SLCO1B1: variants seen among roughly 807,000 people sequenced by gnomAD.
The protein encoded by SLCO1B1 is solute carrier organic anion transporter family member 1B1, also known as OATP-2.
Under a neutral mutation model 70.1 loss-of-function variants are expected in SLCO1B1, and 81 were observed. The observed-to-expected ratio is 1.16, with a 90% CI of 0.97 to 1.39. The LOEUF (loss-of-function observed/expected upper bound fraction) is 1.39. Ranked by LOEUF, SLCO1B1 falls within the 40% of genes most tolerant of loss-of-function variation. The pLI, the probability that SLCO1B1 is intolerant of heterozygous loss-of-function variation, is 0.00. For missense variants in SLCO1B1, 895 were observed against 799.6 expected (o/e 1.12, Z -1.44); for synonymous variants, 283 against 271.5 (o/e 1.04, Z -0.42).
chr12:21,174,529 C>G, intron 3 of SLCO1B1, 48 bp from the exon 4 acceptor site: 1 of 1,595,132 alleles, frequency 6.3e-7, no homozygotes, highest in Non-Finnish European at 8.6e-7. Context: ...CAATTCTAGA[C>G]GCAAAATTGA....
At chr12:21,238,937 A>C (rs1290401255) in intron 14 of SLCO1B1, 42 bp from the exon 15 acceptor site, 1 of 1,258,382 alleles carries the variant, frequency 7.9e-7, no homozygotes, top group African/African-American at 1.5e-5. Flanking sequence ...TATTACACAC[A>C]ATTTAAACTG....
intron 2 of SLCO1B1, among the ~76,000 whole-genome samples, chr12:21,151,239 TCATTGTATATGCTCTCCAA>T (rs1231964668): frequency 2.6e-5 from 4 of 152,188 alleles, no homozygotes; most frequent in Admixed American, 1.3e-4. Flanking sequence ...TATGGGACCA[TCATTGTATATGCTCTCCAA>T]CATTGACTTA....
intron 14 of SLCO1B1, among the ~76,000 whole-genome samples, chr12:21,233,559 A>G (rs11045886): frequency 7.1e-6 from 1 of 139,980 alleles, no homozygotes; most frequent in Non-Finnish European, 1.6e-5. Context: ...CCTCAAAAAA[A>G]AAACAAACAA....
chr12:21,233,730 A>C (rs775843751), intron 14 of SLCO1B1, among the ~76,000 whole-genome samples: 17 of 152,198 alleles, frequency 1.1e-4, no homozygotes, highest in Non-Finnish European at 2.1e-4. Context: ...CATCATTTCC[A>C]GGAACTATTT....
intron 2 of SLCO1B1, among the ~76,000 whole-genome samples, chr12:21,156,187 TA>T (rs1865843070): frequency 6.6e-6 from 1 of 152,144 alleles, no homozygotes; most frequent in African/African-American, 2.4e-5. Flanking sequence ...CTTTGAATGC[TA>T]GAAGCTACCC....
At chr12:21,218,796 A>G (rs1941390870) in intron 12 of SLCO1B1, among the ~76,000 whole-genome samples, 1 of 152,340 alleles carries the variant, frequency 6.6e-6, no homozygotes, top group East Asian at 1.9e-4. Context: ...TGTTTCAGAA[A>G]TTGATTAAAT....
intron 2 of SLCO1B1, among the ~76,000 whole-genome samples, chr12:21,147,942 G>C (rs1940410048): frequency 6.6e-6 from 1 of 152,102 alleles, no homozygotes; most frequent in Non-Finnish European, 1.5e-5. Flanking sequence ...GTTTTGATTT[G>C]CATTCTCTAA....
At position 21,197,038 on chromosome 12, in the gene SLCO1B1, A is replaced by G. The variant is rs762084290; in HGVS notation, c.820A>G (p.Ile274Val). ...VSGLFSIISS[I>V]PFFFLPQTPN... ...TGGACTATTCTCCATTATTTCTTCC[A>G]TACCATTCTTTTTCTTGCCCCAAAC... is the stretch of plus-strand genomic sequence containing the variant. The change falls in exon 8 of 15, where the codon ATA becomes GTA. Residue 274 changes from isoleucine to valine, a missense_variant. Physicochemically the swap from Ile to Val is conservative, Grantham distance 29 (BLOSUM62 3). Coordinates refer to ENST00000256958, the MANE Select transcript of SLCO1B1 (RefSeq NM_006446.5). The G allele has an allele frequency of 6.2e-7, 1 of 1,613,720 alleles. No individual in the cohort carries two copies.
At position 21,172,665 on chromosome 12, in the gene SLCO1B1, C is replaced by G. The variant is rs764431918; in HGVS notation, c.100C>G (p.Leu34Val). Reference protein sequence around the residue: ...CNGLKMFLAALSLSFIAKTLG... With the variant: ...CNGLKMFLAAVSLSFIAKTLG... ...TTTTTCTTAGATGTTCTTGGCAGCT[C>G]TGTCACTCAGCTTTATTGCTAAGAC... Residue 34 changes from leucine to valine, a missense_variant, in exon 3 of 15, where the codon CTG becomes GTG. Coordinates refer to ENST00000256958, the MANE Select transcript of SLCO1B1 (RefSeq NM_006446.5). 1.2e-6 allele frequency: 2 copies of G among 1,613,670 alleles called. No individual in the cohort carries two copies. Among genetic ancestry groups the G allele is most frequent in the African/African-American group, 2.7e-5 (2 of 74,896 alleles).
At chr12:21,207,756 A>G (rs1049667660) in intron 11 of SLCO1B1, among the ~76,000 whole-genome samples, 25 of 151,964 alleles carry the variant, frequency 1.6e-4, no homozygotes, top group African/African-American at 5.6e-4. Flanking sequence ...TTACATTCCT[A>G]CCAACATAGG....
chr12:21,234,461 T>C (rs1941575690), intron 14 of SLCO1B1, among the ~76,000 whole-genome samples: 1 of 152,218 alleles, frequency 6.6e-6, no homozygotes, highest in Non-Finnish European at 1.5e-5. Context: ...AGGTAGTCTG[T>C]TTCCCAGGCA....
At chr12:21,192,224 A>G (rs915872095) in intron 7 of SLCO1B1, among the ~76,000 whole-genome samples, 2 of 148,920 alleles carry the variant, frequency 1.3e-5, no homozygotes, top group East Asian at 3.8e-4. Flanking sequence ...AACACGCACC[A>G]GTAAAGCCAT....
intron 7 of SLCO1B1, among the ~76,000 whole-genome samples, chr12:21,191,251 G>A (rs1265428000): frequency 2.9e-5 from 1 of 34,546 alleles, no homozygotes; most frequent in Non-Finnish European, 1.7e-4. Flanking sequence ...CTATTAATAA[G>A]TCCTTCAATT....
At chr12:21,207,156 AG>A in intron 11 of SLCO1B1, among the ~76,000 whole-genome samples, 1 of 152,040 alleles carries the variant, frequency 6.6e-6, no homozygotes, top group Non-Finnish European at 1.5e-5. Flanking sequence ...CTCTTATTTT[AG>A]GTAAAGGGGA....
intron 1 of SLCO1B1, among the ~76,000 whole-genome samples, chr12:21,139,044 A>G (rs74068911): frequency 0.067 from 10,263 of 152,212 alleles, 1,050 homozygotes; most frequent in African/African-American, 0.23. Flanking sequence ...AAGTTAATCA[A>G]TTGAAATAAA....
intron 11 of SLCO1B1, among the ~76,000 whole-genome samples, chr12:21,207,563 T>C (rs546458217): frequency 2.9e-4 from 44 of 152,176 alleles, no homozygotes; most frequent in Non-Finnish European, 5.4e-4. Flanking sequence ...GTTGAGACCG[T>C]GTCTTTGCTA....
At chr12:21,183,036 G>T (rs1940923945) in intron 7 of SLCO1B1, among the ~76,000 whole-genome samples, 1 of 152,170 alleles carries the variant, frequency 6.6e-6, no homozygotes, top group Non-Finnish European at 1.5e-5. Context: ...GTCCCCTATG[G>T]CCCAGGCACA....
At chr12:21,178,895 A>G (rs1940856728) in intron 6 of SLCO1B1, 27 bp from the exon 7 acceptor site, 1 of 1,516,412 alleles carries the variant, frequency 6.6e-7, no homozygotes, top group Admixed American at 1.7e-5. Context: ...CTTGGCATCT[A>G]GTAAAATTGC....
chr12:21,215,753 C>T (rs1941350029), intron 11 of SLCO1B1, among the ~76,000 whole-genome samples: 1 of 152,134 alleles, frequency 6.6e-6, no homozygotes, highest in South Asian at 2.1e-4. Flanking sequence ...GTCCTTCTTT[C>T]TCAATTTTTC....
Sources: allele counts gnomAD v4.1 joint callset (sites outside exome capture counted in the v4.1 genomes callset), GRCh38; gene constraint gnomAD v4.1.1; transcripts MANE v1.5; gene names NCBI Gene and HGNC (gene_info 2026-07-23, HGNC 2026-07-21).